Variants in UBAP2 observed in about 807,000 individuals in gnomAD.
The protein encoded by UBAP2 is ubiquitin associated protein 2.
Under a neutral mutation model 139.6 loss-of-function variants are expected in UBAP2, and 75 were observed. The ratio of observed to expected loss-of-function variants is 0.54; its 90% confidence interval spans 0.45 to 0.65. The LOEUF is 0.65. Ranked by LOEUF, UBAP2 falls within the 30% of genes least tolerant of loss-of-function variation. The pLI is 0.00. For synonymous variants in UBAP2, 526 were observed against 526.2 expected (o/e 1.00, Z 0.01); for missense variants, 1,368 against 1,369.6 (o/e 1.00, Z 0.02).
At chr9:33,984,620 G>T (rs1821047358) in intron 6 of UBAP2, among the ~76,000 whole-genome samples, 1 of 151,950 alleles carries the variant, frequency 6.6e-6, no homozygotes, top group South Asian at 2.1e-4. Flanking sequence ...CAAGGTTGCA[G>T]TAAGTTATGA....
chr9:34,024,810 C>G (rs7859444), intron 1 of UBAP2, among the ~76,000 whole-genome samples: 23,085 of 152,028 alleles, frequency 0.15, 1,897 homozygotes, highest in South Asian at 0.33. Context: ...ATGGCGAAAC[C>G]CTGTCTCTAC....
intron 12 of UBAP2, among the ~76,000 whole-genome samples, chr9:33,949,903 G>A (rs1825961117): frequency 6.6e-6 from 1 of 152,028 alleles, no homozygotes; most frequent in African/African-American, 2.4e-5. Flanking sequence ...CCATAAATAA[G>A]TACAGGAAAA....
rs369523851 is a variant in UBAP2 at position 34,023,607 on chromosome 9, T to C, written c.-41-6418A>G. Among the ~76,000 whole-genome samples the C allele has an allele frequency of 6.3e-4, 96 of 152,334 alleles. No individual in the cohort carries two copies. In the South Asian group the frequency reaches 0.019, roughly 31 times the overall value. On this transcript the variant is annotated intron_variant, in intron 1 of 28. Coordinates refer to ENST00000379238, the MANE Select transcript of UBAP2 (RefSeq NM_001370062.2). Reference sequence around the variant, plus strand: ...GCCTATAAATAATGACCCGGTTGCATGGCTAAACCAGAATAGTTGCTTTGT... The same window carrying C: ...GCCTATAAATAATGACCCGGTTGCACGGCTAAACCAGAATAGTTGCTTTGT...
intron 11 of UBAP2, 46 bp from the exon 12 acceptor site, chr9:33,953,520 A>C (rs1386944296): frequency 1.9e-6 from 3 of 1,554,368 alleles, no homozygotes; most frequent in Non-Finnish European, 2.6e-6. Context: ...AGCAAATCTT[A>C]CCAACAAATG....
At chr9:34,023,565 C>T (rs1223937982) in intron 1 of UBAP2, among the ~76,000 whole-genome samples, 1 of 152,164 alleles carries the variant, frequency 6.6e-6, no homozygotes, top group Non-Finnish European at 1.5e-5. Flanking sequence ...TAATATTCCA[C>T]AATGAATACG....
intron 1 of UBAP2, among the ~76,000 whole-genome samples, chr9:34,048,169 G>C (rs1174375221): frequency 6.6e-6 from 1 of 152,190 alleles, no homozygotes; most frequent in African/African-American, 2.4e-5. Flanking sequence ...ATAACATTTT[G>C]AGTATGTATT....
At chr9:33,953,568 TA>T in intron 11 of UBAP2, 94 bp from the exon 12 acceptor site, 4 of 1,293,370 alleles carry the variant, frequency 3.1e-6, no homozygotes, top group Non-Finnish European at 4.2e-6. Flanking sequence ...GAATTTACAT[TA>T]AAAATCAAAT....
intron 22 of UBAP2, 42 bp from the exon 23 acceptor site, chr9:33,924,326 T>A (rs371108054): frequency 2.2e-4 from 353 of 1,588,458 alleles, no homozygotes; most frequent in Admixed American, 3.2e-4. Context: ...CTGGCCCTGC[T>A]TGACTCCCAG....
intron 4 of UBAP2, among the ~76,000 whole-genome samples, chr9:33,989,364 A>G (rs777077241): frequency 3.3e-5 from 5 of 151,926 alleles, no homozygotes; most frequent in Non-Finnish European, 7.4e-5. Flanking sequence ...ACCACGCCCA[A>G]CTAATTTTTT....
chr9:33,996,145 C>T lies in UBAP2; in HGVS notation c.288+78G>A, dbSNP rs957762382. ...ACCATAATCCATTCCATCCCTACCC[C>T]CAAACAAGGTGAAGTTGAAAATGTG... On this transcript the variant is annotated intron_variant, in intron 4 of 28. Coordinates refer to ENST00000379238, the MANE Select transcript of UBAP2 (RefSeq NM_001370062.2). The T allele has an allele frequency of 3.6e-6, 4 of 1,118,586 alleles. No homozygotes were observed. In the African/African-American group the frequency reaches 6.1e-5, roughly 17 times the overall value. 69.3% of individuals were successfully genotyped at this position (1,118,586 alleles called of 1,614,324 possible). A position where few individuals can be genotyped will look rare whatever the true frequency, so the allele number is the denominator to read the frequency against.
chr9:34,000,785 T>C (rs1056296318), intron 2 of UBAP2, among the ~76,000 whole-genome samples: 2 of 152,234 alleles, frequency 1.3e-5, no homozygotes, highest in African/African-American at 4.8e-5. Flanking sequence ...TCAAAAGGCC[T>C]TTCCAGGCCA....
chr9:33,963,672 CA>C lies in UBAP2; in HGVS notation c.745+53del, dbSNP rs1229445133. ...CTTTGATAAAAAATGAAAGATATTGCAAGCAATTTATAAGATTCTTAATTTT... is the reference window on the plus strand; with the variant it reads ...CTTTGATAAAAAATGAAAGATATTGCAGCAATTTATAAGATTCTTAATTTT... On this transcript the variant is annotated intron_variant, in intron 9 of 28. Coordinates refer to ENST00000379238, the MANE Select transcript of UBAP2 (RefSeq NM_001370062.2). 17 of 1,104,528 alleles carry C rather than the reference CA, an allele frequency of 1.5e-5. No homozygotes were observed. In the African/African-American group the frequency reaches 2.5e-4, roughly 17 times the overall value. The allele number at this position is 1,104,528 out of a possible 1,614,324, so 68.4% of individuals were successfully genotyped here.
At chr9:34,033,403 T>C (rs1313496353) in intron 1 of UBAP2, among the ~76,000 whole-genome samples, 6 of 152,020 alleles carry the variant, frequency 3.9e-5, no homozygotes, top group African/African-American at 1.5e-4. Flanking sequence ...TTGTGGGAAC[T>C]AAAAATCAAA....
chr9:33,985,222 T>G (rs928617470), intron 6 of UBAP2, among the ~76,000 whole-genome samples: 3 of 152,208 alleles, frequency 2.0e-5, no homozygotes, highest in Admixed American at 6.6e-5. Flanking sequence ...ATACATAATA[T>G]TTAAACAAAT....
Position 33,933,589 on chromosome 9 carries a change from A to G in UBAP2, c.2009T>C (p.Val670Ala). The change falls in exon 18 of 29, where the codon GTG becomes GCG. Residue 670 changes from valine (V) to alanine (A), a missense_variant. Val to Ala is a moderately conservative substitution (Grantham distance 64, BLOSUM62 0). Coordinates refer to ENST00000379238, the MANE Select transcript of UBAP2 (RefSeq NM_001370062.2). The part of the protein sequence containing the change: ...TTGPPSALPS[V>A]SSLPSTTSCT... ...GGAGGTGGTGCTGGGCAGGGAGCTC[A>G]CAGACGGGAGGGCAGAGGGAGGGCC... is the stretch of plus-strand genomic sequence containing the variant. The G allele has an allele frequency of 1.2e-6, 2 of 1,613,950 alleles. No homozygotes were observed. The highest frequency in any genetic ancestry group is 1.7e-6 in the Non-Finnish European group (2 of 1,179,918).
chr9:34,015,758 GCAT>G (rs758340754), intron 2 of UBAP2, among the ~76,000 whole-genome samples: 1 of 152,046 alleles, frequency 6.6e-6, no homozygotes, highest in Non-Finnish European at 1.5e-5. Flanking sequence ...GAGTGCAGTA[GCAT>G]CATCATAAGT....
At chr9:33,950,843 C>T (rs920154847) in intron 12 of UBAP2, among the ~76,000 whole-genome samples, 5 of 152,182 alleles carry the variant, frequency 3.3e-5, no homozygotes, top group Non-Finnish European at 7.3e-5. Flanking sequence ...CCTCTTAAGT[C>T]CACCTACACA....
In UBAP2 at chr9:34,024,494, C is replaced by T. The variant is rs765140708; in HGVS notation, c.-41-7305G>A. On this transcript the variant is annotated intron_variant, in intron 1 of 28. Transcript: ENST00000379238. ...ACACTATCACTGAAATGTTATAATACCTAATTCCCTATTCATAAAAAGTCT... is the reference window on the plus strand; with the variant it reads ...ACACTATCACTGAAATGTTATAATATCTAATTCCCTATTCATAAAAAGTCT... Among the ~76,000 whole-genome samples the T allele has an allele frequency of 2.2e-4, 33 of 152,088 alleles. 2 individuals are homozygous for T. The highest frequency in any genetic ancestry group is 3.7e-4 in the Non-Finnish European group (25 of 68,022).
At chr9:33,937,131 C>CA (rs201060540) in intron 16 of UBAP2, among the ~76,000 whole-genome samples, 6,292 of 99,462 alleles carry the variant, frequency 0.063, 180 homozygotes, top group Middle Eastern at 0.082. Context: ...GGTGGTGATT[C>CA]AAAAAAAAAA....
Sources: allele counts gnomAD v4.1 joint callset (sites outside exome capture counted in the v4.1 genomes callset), GRCh38; gene constraint gnomAD v4.1.1; transcripts MANE v1.5; gene names NCBI Gene and HGNC (gene_info 2026-07-23, HGNC 2026-07-21).